The following AGAP1 variants were observed in gnomAD, a reference collection of about 807,000 sequenced individuals.
AGAP1 encodes ArfGAP with GTPase domain, ankyrin repeat and PH domain 1.
In AGAP1, 29 loss-of-function variants were observed where a neutral mutation model predicts 105.3. That is an observed-to-expected ratio of 0.28 (90% CI 0.21 to 0.38). The LOEUF (loss-of-function observed/expected upper bound fraction) is 0.38, where lower values mean the gene tolerates loss of function less well. Among genes scored for constraint, AGAP1 ranks in the 10% least tolerant of loss-of-function variants. The pLI is 1.00. For missense variants in AGAP1, 998 were observed against 1,165.1 expected, an observed-to-expected ratio of 0.86 and a Z score of 2.09; for synonymous variants, 509 against 485.9, an observed-to-expected ratio of 1.05 and a Z score of -0.63.
intron 16 of AGAP1, among the ~76,000 whole-genome samples, chr2:236,093,344 G>A (rs2059113071): frequency 6.6e-6 from 1 of 152,224 alleles, no homozygotes; most frequent in Admixed American, 6.5e-5. Flanking sequence ...AAGGGACCTG[G>A]ACAGAGACCT....
intron 6 of AGAP1, among the ~76,000 whole-genome samples, chr2:235,762,889 AAGAT>A (rs1954571829): frequency 6.6e-6 from 1 of 152,164 alleles, no homozygotes; most frequent in Non-Finnish European, 1.5e-5. Flanking sequence ...ACAGGAAAGA[AAGAT>A]AGATTGTAAA....
At position 235,744,673 on chromosome 2, in the gene AGAP1, TCTC is replaced by T. The variant is rs757425867; in HGVS notation, c.397-20_397-18del. 6.2e-7 allele frequency: 1 copy of T among 1,613,698 alleles called. No individual in the cohort carries two copies. The highest frequency in any genetic ancestry group is 1.3e-5 in the African/African-American group (1 of 74,880). On this transcript the variant is annotated intron_variant, in intron 4 of 17. Transcript: ENST00000304032. The surrounding 1 kb of genome is among the most constrained non-coding windows in gnomAD (Gnocchi z 5.2). ...TCAAGCCTGCTCACTCAGCTCCTGC[TCTC>T]CTCCCCTTCTTCTCTCCCTAGTTTG...
At chr2:235,745,857 G>A (rs994147783) in intron 5 of AGAP1, among the ~76,000 whole-genome samples, 2 of 152,218 alleles carry the variant, frequency 1.3e-5, no homozygotes, top group Non-Finnish European at 2.9e-5. Context: ...GCCAGACGTG[G>A]TGGCTCACGC....
At chr2:236,075,133 G>A (rs1470843475) in intron 16 of AGAP1, among the ~76,000 whole-genome samples, 1 of 152,178 alleles carries the variant, frequency 6.6e-6, no homozygotes, top group Non-Finnish European at 1.5e-5. Flanking sequence ...CCAGTCTGTA[G>A]AGATAGAAGG....
rs1204229819 is a variant in AGAP1, at chr2:235,891,844, T to C, written c.1155+8395T>C. 6.6e-6 allele frequency among the ~76,000 whole-genome samples: 1 copy of C among 152,126 alleles called. No homozygotes were observed. The highest frequency in any genetic ancestry group is 1.5e-5 in the Non-Finnish European group (1 of 68,010). On this transcript the variant is annotated intron_variant, in intron 10 of 17. Transcript: ENST00000304032. This position sits in a 1 kb window ranked among gnomAD's most constrained non-coding sequence, Gnocchi z 4.2. ...CCATACCTGGCAGACGTGCATGAAC[T>C]GGTCAGACTTTTAAAAAACCTCCTT...
At chr2:235,657,961 G>T (rs1169416484) in intron 1 of AGAP1, among the ~76,000 whole-genome samples, 1 of 152,170 alleles carries the variant, frequency 6.6e-6, no homozygotes, top group African/African-American at 2.4e-5. Flanking sequence ...CAAGCCGAGA[G>T]ACCTCAAAAG....
chr2:236,100,877 G>A (rs1380317659), intron 16 of AGAP1, among the ~76,000 whole-genome samples: 1 of 151,698 alleles, frequency 6.6e-6, no homozygotes, highest in African/African-American at 2.4e-5. Flanking sequence ...CCCAACTGTT[G>A]TGCATTTGTT....
intron 13 of AGAP1, among the ~76,000 whole-genome samples, chr2:235,987,613 G>T (rs13416178): frequency 1.5e-3 from 224 of 148,488 alleles, no homozygotes; most frequent in African/African-American, 5.2e-3. Flanking sequence ...GTTCGTTGTT[G>T]CCTCTCTAGC....
chr2:235,793,910 G>A lies in AGAP1; in HGVS notation c.674-3849G>A, dbSNP rs1415906173. On this transcript the variant is annotated intron_variant, in intron 6 of 17. Coordinates refer to ENST00000304032, the MANE Select transcript of AGAP1 (RefSeq NM_001037131.3). The surrounding 1 kb of genome is among the most constrained non-coding windows in gnomAD (Gnocchi z 5.3). ...AGAACATTTACAGTTTGTGGATAAAGTAAATGTATACCTCACTTTTTTTGT... is the reference window on the plus strand; with the variant it reads ...AGAACATTTACAGTTTGTGGATAAAATAAATGTATACCTCACTTTTTTTGT... Among the ~76,000 whole-genome samples, 6 of 152,168 alleles carry A rather than the reference G, an allele frequency of 3.9e-5. No homozygotes were observed. Among genetic ancestry groups the A allele is most frequent in the Non-Finnish European group, 8.8e-5 (6 of 68,028 alleles).
chr2:235,881,154 C>G (rs989280782), intron 9 of AGAP1, among the ~76,000 whole-genome samples: 1 of 152,092 alleles, frequency 6.6e-6, no homozygotes, highest in African/African-American at 2.4e-5. Flanking sequence ...CTGGCTCATA[C>G]TTTATTAAGT....
rs536229118 is a variant in AGAP1 at position 235,690,002 on chromosome 2, G to A, written c.164-19177G>A. Among the ~76,000 whole-genome samples, 2 of 152,142 alleles carry A rather than the reference G, an allele frequency of 1.3e-5. No homozygotes were observed. The highest frequency in any genetic ancestry group is 4.8e-5 in the African/African-American group (2 of 41,498). On this transcript the variant is annotated intron_variant, in intron 1 of 17. Transcript: ENST00000304032. This position sits in a 1 kb window ranked among gnomAD's most constrained non-coding sequence, Gnocchi z 4.1. ...GTAAATAGATCGCGTTGTTGCATGCGTTTGATGAAAGTGATATCACAGCAA... is the reference window on the plus strand; with the variant it reads ...GTAAATAGATCGCGTTGTTGCATGCATTTGATGAAAGTGATATCACAGCAA...
In AGAP1 at chr2:235,771,958, G is replaced by A. The variant is rs1012022226; in HGVS notation, c.673+21470G>A. On this transcript the variant is annotated intron_variant, in intron 6 of 17. Coordinates refer to ENST00000304032, the MANE Select transcript of AGAP1 (RefSeq NM_001037131.3). Reference sequence around the variant, plus strand: ...ATAGAAGTAAATGCAATGTTCCGGAGCTGACATGTTTCTTGTTTCTTTTTT... The same window carrying A: ...ATAGAAGTAAATGCAATGTTCCGGAACTGACATGTTTCTTGTTTCTTTTTT... 3.3e-5 allele frequency among the ~76,000 whole-genome samples: 5 copies of A among 150,918 alleles called. No homozygotes were observed. In the East Asian group the frequency reaches 9.7e-4, roughly 29 times the overall value.
At chr2:235,829,811 T>C (rs1166232872) in intron 9 of AGAP1, among the ~76,000 whole-genome samples, 1 of 152,148 alleles carries the variant, frequency 6.6e-6, no homozygotes, top group Non-Finnish European at 1.5e-5. Context: ...GACAGGAGGC[T>C]GCTTGGCCCT....
Position 236,056,362 on chromosome 2 carries a change from C to G in AGAP1, c.2114+7081C>G, listed in dbSNP as rs749547531. 1.3e-5 allele frequency among the ~76,000 whole-genome samples: 2 copies of G among 152,134 alleles called. No homozygotes were observed. Among genetic ancestry groups the G allele is most frequent in the African/African-American group, 4.8e-5 (2 of 41,434 alleles). On this transcript the variant is annotated intron_variant, in intron 16 of 17. Transcript: ENST00000304032. The surrounding 1 kb of genome is among the most constrained non-coding windows in gnomAD (Gnocchi z 4.6). ...TAGGGTTGAAAATCCTTATCATTTA[C>G]GTTCTGAAATACGGCCGTCGTGACA...
At chr2:235,941,405 G>A (rs1454260430) in intron 12 of AGAP1, among the ~76,000 whole-genome samples, 1 of 152,204 alleles carries the variant, frequency 6.6e-6, no homozygotes, top group African/African-American at 2.4e-5. Flanking sequence ...CCCTGGCCCT[G>A]GGAGTGGAGC....
intron 1 of AGAP1, among the ~76,000 whole-genome samples, chr2:235,648,152 T>A (rs1394338810): frequency 2.0e-5 from 3 of 152,206 alleles, no homozygotes; most frequent in Non-Finnish European, 4.4e-5. Flanking sequence ...ATCCCGTGTG[T>A]GCCATGCTGC....
intron 4 of AGAP1, among the ~76,000 whole-genome samples, chr2:235,743,343 C>T (rs1004606433): frequency 2.0e-5 from 3 of 152,138 alleles, no homozygotes; most frequent in South Asian, 2.1e-4. Context: ...CTTCAGCTCC[C>T]GGCTCGGGAA....
chr2:236,098,727 C>T (rs563756736), intron 16 of AGAP1, among the ~76,000 whole-genome samples: 3 of 150,446 alleles, frequency 2.0e-5, no homozygotes, highest in East Asian at 2.0e-4. Context: ...TGGGCTCAAG[C>T]GATCCCCCTG....
rs543198983 is a variant in AGAP1 at position 236,002,602 on chromosome 2, G to A, written c.1646-33959G>A. 2.6e-5 allele frequency among the ~76,000 whole-genome samples: 4 copies of A among 152,178 alleles called. No individual in the cohort carries two copies. The highest frequency in any genetic ancestry group is 1.9e-4 in the East Asian group (1 of 5,154). On this transcript the variant is annotated intron_variant, in intron 13 of 17. Coordinates refer to ENST00000304032, the MANE Select transcript of AGAP1 (RefSeq NM_001037131.3). This position sits in a 1 kb window ranked among gnomAD's most constrained non-coding sequence, Gnocchi z 4.3. Reference sequence around the variant, plus strand: ...ACTTCATGCATTCCTGTTCATTGGCGGTCTTTGGCCTTTGAGAGTGGAACT... The same window carrying A: ...ACTTCATGCATTCCTGTTCATTGGCAGTCTTTGGCCTTTGAGAGTGGAACT...
Sources: gnomAD v4.1 joint callset for allele counts (sites outside exome capture counted in the v4.1 genomes callset) on GRCh38, gnomAD v4.1.1 for gene constraint, Gnocchi (gnomAD v3.1) non-coding constraint, MANE v1.5 for transcripts, NCBI Gene and HGNC (gene_info 2026-07-23, HGNC 2026-07-21) for gene names.